ATP2A1: variants seen among roughly 807,000 people sequenced by gnomAD.
The protein encoded by ATP2A1 is sarcoplasmic/endoplasmic reticulum calcium ATPase 1.
In ATP2A1, 83 loss-of-function variants were observed where a neutral mutation model predicts 109.5. That is an observed-to-expected ratio of 0.76 (90% CI 0.63 to 0.91). The LOEUF (loss-of-function observed/expected upper bound fraction) is 0.91. ATP2A1 is among the 40% of genes least tolerant of loss of function. ATP2A1 has a pLI of 0.00. For synonymous variants in ATP2A1, 505 were observed against 537.6 expected (o/e 0.94, Z 0.84); for missense variants, 1,101 against 1,341.0 (o/e 0.82, Z 2.80).
rs751717647 is a variant in ATP2A1, at chr16:28,903,147, G to A, written c.2862G>A (p.Pro954=). 35 of 1,613,236 alleles carry A rather than the reference G, an allele frequency of 2.2e-5. 1 individual carries two copies. Among genetic ancestry groups the A allele is most frequent in the South Asian group, 3.3e-5 (3 of 91,092 alleles). The change falls in exon 20 of 23, where the codon CCG becomes CCA. Residue 954 remains proline (P), a splice_region_variant and synonymous_variant. Coordinates refer to ENST00000395503, the MANE Select transcript of ATP2A1 (RefSeq NM_004320.6). The surrounding 1 kb of genome is among the most constrained non-coding windows in gnomAD (Gnocchi z 5.6). ...TCATCCTCTATGTTGACCCCCTGCC[G>A]GTGAGGTTTCTTCCGCCCAGGGCCG... ...HFLILYVDPL[P]MIFKLRALDL... is the part of the protein sequence containing the mutation.
chr16:28,892,741 C>G (rs2093398483), intron 9 of ATP2A1: 1 of 152,296 alleles, frequency 6.6e-6, no homozygotes, highest in Admixed American at 6.5e-5. Context: ...GCTCGTGTGA[C>G]TTGGCTCCTG....
In ATP2A1 at chr16:28,898,421, G is replaced by A. The variant is rs1567489122; in HGVS notation, c.1734G>A (p.Leu578=). The A allele has an allele frequency of 1.9e-6, 3 of 1,614,064 alleles. No individual in the cohort carries two copies. The highest frequency in any genetic ancestry group is 1.6e-4 in the Middle Eastern group (1 of 6,062). ...DTPPKREEMV[L]DDSARFLEYE... ...CCCCGAAGCGAGAGGAAATGGTCCT[G>A]GATGACTCTGCCAGGTTCCTGGAGT... Residue 578 remains leucine (L), a synonymous_variant, in exon 14 of 23, where the codon CTG becomes CTA. Coordinates refer to ENST00000395503, the MANE Select transcript of ATP2A1 (RefSeq NM_004320.6). The surrounding 1 kb of genome is among the most constrained non-coding windows in gnomAD (Gnocchi z 4.0).
chr16:28,894,022 G>A (rs931155357), intron 9 of ATP2A1, 133 bp from the exon 10 acceptor site: 13 of 722,886 alleles, frequency 1.8e-5, no homozygotes, highest in African/African-American at 3.5e-5. Flanking sequence ...GTATACGGGG[G>A]GGATGAGGAG....
chr16:28,904,211 C>T lies in ATP2A1; in HGVS notation c.*69C>T. On this transcript the variant is annotated 3_prime_UTR_variant, in exon 23 of 23. Coordinates refer to ENST00000395503, the MANE Select transcript of ATP2A1 (RefSeq NM_004320.6). ...AAGATGAAAGAAGGAAGTGAGCATCCTTTTGCTCTGTCCTCCCCACCCCGA... is the reference window on the plus strand; with the variant it reads ...AAGATGAAAGAAGGAAGTGAGCATCTTTTTGCTCTGTCCTCCCCACCCCGA... The T allele has an allele frequency of 6.2e-7, 1 of 1,613,670 alleles. No individual in the cohort carries two copies. The highest frequency in any genetic ancestry group is 8.5e-7 in the Non-Finnish European group (1 of 1,179,678).
intron 3 of ATP2A1, chr16:28,879,924 C>T (rs1338328001): frequency 4.4e-6 from 4 of 900,760 alleles, no homozygotes; most frequent in Admixed American, 1.1e-4. Flanking sequence ...GGGGCCACTG[C>T]CACTCCCGGC....
chr16:28,901,949 T>C lies in ATP2A1; in HGVS notation c.2187T>C (p.Thr729=). The part of the protein sequence containing the change: ...AMGSGTAVAK[T]ASEMVLADDN... The stretch of plus-strand genomic sequence containing the variant: ...GATCTGGCACTGCCGTGGCCAAGAC[T>C]GCCTCTGAGATGGTGCTGGCTGACG... The change falls in exon 16 of 23, where the codon ACT becomes ACC. Residue 729 remains threonine (T), a synonymous_variant. Coordinates refer to ENST00000395503, the MANE Select transcript of ATP2A1 (RefSeq NM_004320.6). 1 of 1,614,254 alleles carries C rather than the reference T, an allele frequency of 6.2e-7. No individual in the cohort carries two copies. The highest frequency in any genetic ancestry group is 1.1e-5 in the South Asian group (1 of 91,084).
chr16:28,886,941 G>GA (rs1279614735), intron 6 of ATP2A1, among the ~76,000 whole-genome samples: 2 of 149,930 alleles, frequency 1.3e-5, no homozygotes, highest in Admixed American at 6.7e-5. Context: ...GCAGTGAGCT[G>GA]AGATCTTGAC....
At chr16:28,900,463 T>TACCCC in intron 14 of ATP2A1, 118 bp from the exon 15 acceptor site, 1 of 946,158 alleles carries the variant, frequency 1.1e-6, no homozygotes, top group Non-Finnish European at 1.5e-6. Context: ...GGTTCAGGCT[T>TACCCC]CCCACCCCTC....
chr16:28,894,401 C>G, intron 10 of ATP2A1, 104 bp from the exon 11 acceptor site: 2 of 1,315,332 alleles, frequency 1.5e-6, no homozygotes, highest in Non-Finnish European at 2.1e-6. Context: ...TCCCCACTGT[C>G]CTTCCTTACC....
Position 28,902,799 on chromosome 16 carries a change from G to A in ATP2A1, c.2632G>A (p.Glu878Lys), listed in dbSNP as rs760650232. ...SQLTHFMQCT[E>K]DNTHFEGIDC... is the part of the protein sequence containing the mutation. ...GCAGACTCACTTCATGCAGTGCACCGAGGACAACACCCACTTTGAGGGCAT... is the reference window on the plus strand; with the variant it reads ...GCAGACTCACTTCATGCAGTGCACCAAGGACAACACCCACTTTGAGGGCAT... Residue 878 changes from glutamate to lysine, a missense_variant, in exon 19 of 23, where the codon GAG becomes AAG. Transcript: ENST00000395503. This position sits in a 1 kb window ranked among gnomAD's most constrained non-coding sequence, Gnocchi z 4.8. 1.2e-5 allele frequency: 20 copies of A among 1,613,794 alleles called. No individual in the cohort carries two copies. The highest frequency in any genetic ancestry group is 4.0e-5 in the African/African-American group (3 of 74,868).
At chr16:28,900,505 CA>C in intron 14 of ATP2A1, 75 bp from the exon 15 acceptor site, 1 of 1,372,782 alleles carries the variant, frequency 7.3e-7, no homozygotes, top group Non-Finnish European at 9.7e-7. Context: ...ACCCCATCCC[CA>C]CCCCCCACCA....
chr16:28,903,479 C>T lies in ATP2A1; in HGVS notation c.2980+39C>T, dbSNP rs749563724. On this transcript the variant is annotated intron_variant, in intron 21 of 22. Coordinates refer to ENST00000395503, the MANE Select transcript of ATP2A1 (RefSeq NM_004320.6). The surrounding 1 kb of genome is among the most constrained non-coding windows in gnomAD (Gnocchi z 5.6). ...TCTCTGTCCCAAGCCCTGGCCCCAC[C>T]ACAGCCCCTTCCCCATGACGCCGCC... The T allele has an allele frequency of 7.7e-6, 12 of 1,562,022 alleles. No homozygotes were observed. Among genetic ancestry groups the T allele is most frequent in the Admixed American group, 5.0e-5 (3 of 59,908 alleles).
In ATP2A1 at chr16:28,900,726, G is replaced by A. The variant is rs182084601; in HGVS notation, c.1910G>A (p.Arg637Gln). 1.4e-5 allele frequency: 23 copies of A among 1,614,178 alleles called. No homozygotes were observed. The highest frequency in any genetic ancestry group is 6.7e-5 in the East Asian group (3 of 44,878). ...DNKGTAIAIC[R>Q]RIGIFGENEE... The stretch of plus-strand genomic sequence containing the variant: ...AAGGGCACAGCCATTGCCATCTGCC[G>A]GCGAATTGGCATCTTTGGGGAGAAC... The change falls in exon 15 of 23, where the codon CGG becomes CAG. Residue 637 changes from arginine to glutamine, a missense_variant. Arg to Gln is a conservative substitution (Grantham distance 43, BLOSUM62 1). Transcript: ENST00000395503.
rs952193741 is a variant in ATP2A1 at position 28,884,724 on chromosome 16, T to C, written c.544+69T>C. ...GGAGGAAGAGGCAACAAGGGGGAGG[T>C]GAGTGGAAAGACAGAGAACCCTCAC... On this transcript the variant is annotated intron_variant, in intron 6 of 22. Transcript: ENST00000395503. 9 of 1,436,266 alleles carry C rather than the reference T, an allele frequency of 6.3e-6. No individual in the cohort carries two copies. The African/African-American group carries it at 1.3e-4, about 20-fold the overall frequency. 89.0% of individuals were successfully genotyped at this position (1,436,266 alleles called of 1,614,324 possible). A position where few individuals can be genotyped will look rare whatever the true frequency, so the allele number is the denominator to read the frequency against.
chr16:28,879,473 G>T, intron 2 of ATP2A1, 28 bp from the exon 3 acceptor site: 1 of 1,605,436 alleles, frequency 6.2e-7, no homozygotes, highest in Non-Finnish European at 8.5e-7. Flanking sequence ...ACCTTAACCC[G>T]GGGCCCTCCC....
chr16:28,881,042 C>T (rs776638133), intron 4 of ATP2A1, 23 bp downstream of exon 4: 10 of 1,602,338 alleles, frequency 6.2e-6, no homozygotes, highest in Non-Finnish European at 6.8e-6. Context: ...CCTTCCTTAC[C>T]CCTTCATGTC....
rs374078531 is a variant in ATP2A1, at chr16:28,903,732, C to T, written c.*28C>T. The T allele has an allele frequency of 4.0e-5, 65 of 1,613,730 alleles. No homozygotes were observed. The highest frequency in any genetic ancestry group is 3.0e-4 in the Admixed American group (18 of 59,986). ...GTTCCCCCTCCTCCATCTCTGAGCC[C>T]GTGTCACAGGTATCACCCCCTTCTT... On this transcript the variant is annotated 3_prime_UTR_variant, in exon 22 of 23. Transcript: ENST00000395503. The surrounding 1 kb of genome is among the most constrained non-coding windows in gnomAD (Gnocchi z 5.6).
At position 28,880,829 on chromosome 16, in the gene ATP2A1, G is replaced by A; in HGVS notation, c.220-86G>A. The A allele has an allele frequency of 7.5e-7, 1 of 1,325,888 alleles. No individual in the cohort carries two copies. Among genetic ancestry groups the A allele is most frequent in the Non-Finnish European group, 1.1e-6 (1 of 919,274 alleles). 82.1% of individuals were successfully genotyped at this position (1,325,888 alleles called of 1,614,324 possible). A position where few individuals can be genotyped will look rare whatever the true frequency, so the allele number is the denominator to read the frequency against. On this transcript the variant is annotated intron_variant, in intron 3 of 22. Transcript: ENST00000395503. This position sits in a 1 kb window ranked among gnomAD's most constrained non-coding sequence, Gnocchi z 4.2. ...GCTGGCTCCTGCACTCTCCTGCACAGTTCTCCCCTTTGCAGTGGTCCACTT... is the reference window on the plus strand; with the variant it reads ...GCTGGCTCCTGCACTCTCCTGCACAATTCTCCCCTTTGCAGTGGTCCACTT...
At chr16:28,886,201 G>T (rs1394739970) in intron 6 of ATP2A1, among the ~76,000 whole-genome samples, 1 of 152,042 alleles carries the variant, frequency 6.6e-6, no homozygotes, top group Non-Finnish European at 1.5e-5. Flanking sequence ...GCTGGGCATT[G>T]TACTGCACAC....
Sources: gnomAD v4.1 joint callset for allele counts (sites outside exome capture counted in the v4.1 genomes callset) on GRCh38, gnomAD v4.1.1 for gene constraint, Gnocchi (gnomAD v3.1) non-coding constraint, MANE v1.5 for transcripts, NCBI Gene and HGNC (gene_info 2026-07-23, HGNC 2026-07-21) for gene names.